Variants in TBCD observed in about 807,000 individuals in gnomAD.
The protein encoded by TBCD is tubulin-specific chaperone D.
A neutral mutation model predicts 169.3 loss-of-function variants in TBCD; 105 were observed. The ratio of observed to expected loss-of-function variants is 0.62; its 90% CI spans 0.53 to 0.73. The LOEUF (loss-of-function observed/expected upper bound fraction) is 0.73. Ranked by LOEUF, TBCD falls within the 30% of genes least tolerant of loss-of-function variation. TBCD has a pLI of 0.00. For missense variants in TBCD, 1,444 were observed against 1,600.1 expected (o/e 0.90, Z 1.66); for synonymous variants, 700 against 643.9 (o/e 1.09, Z -1.32).
intron 17 of TBCD, among the ~76,000 whole-genome samples, chr17:82,898,964 C>T (rs914605131): frequency 6.6e-6 from 1 of 152,256 alleles, no homozygotes; most frequent in Non-Finnish European, 1.5e-5. Flanking sequence ...GGCCAACACT[C>T]CTTCCCCCCA....
intron 13 of TBCD, among the ~76,000 whole-genome samples, chr17:82,862,138 G>C (rs1354231362): frequency 6.6e-6 from 1 of 152,020 alleles, no homozygotes; most frequent in African/African-American, 2.4e-5. Context: ...TAGCCAGGAT[G>C]GTCTTGATCT....
At chr17:82,844,206 C>CGTGTGTGTGTGTGTGTGTGTGGGT in intron 13 of TBCD, among the ~76,000 whole-genome samples, 1 of 127,410 alleles carries the variant, frequency 7.8e-6, no homozygotes, top group South Asian at 2.9e-4. Context: ...GGATGTTCTC[C>CGTGTGTGTGTGTGTGTGTGTGGGT]GTGTGTGTGT....
Position 82,942,596 on chromosome 17 carries a change from ACTAG to A in TBCD, c.*136_*139del. 1 of 1,229,762 alleles carries A rather than the reference ACTAG, an allele frequency of 8.1e-7. No homozygotes were observed. Among genetic ancestry groups the A allele is most frequent in the Non-Finnish European group, 1.2e-6 (1 of 854,298 alleles). The allele number at this position is 1,229,762 out of a possible 1,614,324, so 76.2% of individuals were successfully genotyped here. ...GTAGCGCTGGCCCTTGGAGGCTGGC[ACTAG>A]CTGACAGCTTTTCCTCTCTGCACCT... On this transcript the variant is annotated 3_prime_UTR_variant, in exon 39 of 39. Transcript: ENST00000355528.
chr17:82,887,160 TGTGTGTGTGC>T (rs1325016131), intron 15 of TBCD, among the ~76,000 whole-genome samples: 17 of 109,062 alleles, frequency 1.6e-4, no homozygotes, highest in African/African-American at 7.4e-4. Flanking sequence ...TGTGTGTGTG[TGTGTGTGTGC>T]GCGCGCGCGC....
At chr17:82,759,949 T>C (rs1287927133) in intron 2 of TBCD, among the ~76,000 whole-genome samples, 1 of 149,524 alleles carries the variant, frequency 6.7e-6, no homozygotes, top group Non-Finnish European at 1.5e-5. Flanking sequence ...TGCAGTGGCG[T>C]GTTCTTGGCT....
intron 38 of TBCD, 85 bp downstream of exon 38, chr17:82,941,568 C>T (rs773858631): frequency 4.0e-4 from 505 of 1,249,258 alleles, no homozygotes; most frequent in Non-Finnish European, 5.5e-4. Flanking sequence ...TGCTTAGCTT[C>T]TGCCAGCACG....
At position 82,920,701 on chromosome 17, in the gene TBCD, G is replaced by T. The variant is rs1205281089; in HGVS notation, c.2101+83G>T. Reference sequence around the variant, plus strand: ...GGTAAAAATGAACCTGTTAGGATGGGGGCGATAAACGATTATAGCTTAAAG... The same window carrying T: ...GGTAAAAATGAACCTGTTAGGATGGTGGCGATAAACGATTATAGCTTAAAG... On this transcript the variant is annotated intron_variant, in intron 24 of 38. Transcript: ENST00000355528. This position sits in a 1 kb window ranked among gnomAD's most constrained non-coding sequence, Gnocchi z 4.1. The T allele has an allele frequency of 1.6e-6, 2 of 1,218,972 alleles. No individual in the cohort carries two copies. Among genetic ancestry groups the T allele is most frequent in the East Asian group, 5.1e-5 (2 of 39,448 alleles). The allele number at this position is 1,218,972 out of a possible 1,614,324, so 75.5% of individuals were successfully genotyped here.
chr17:82,848,612 G>A (rs1199681421), intron 13 of TBCD, among the ~76,000 whole-genome samples: 1 of 152,152 alleles, frequency 6.6e-6, no homozygotes, highest in Non-Finnish European at 1.5e-5. Flanking sequence ...GCCAGGTACA[G>A]AAGTCATGAG....
At chr17:82,767,159 C>CA (rs1255648439) in intron 4 of TBCD, among the ~76,000 whole-genome samples, 1 of 152,176 alleles carries the variant, frequency 6.6e-6, no homozygotes, top group Admixed American at 6.5e-5. Flanking sequence ...GGCCTTGCCT[C>CA]AGACGGCAGC....
At chr17:82,869,010 C>CA (rs2057377133) in intron 13 of TBCD, among the ~76,000 whole-genome samples, 1 of 152,164 alleles carries the variant, frequency 6.6e-6, no homozygotes, top group South Asian at 2.1e-4. Context: ...GGGTCGTGTG[C>CA]AGAGCCCTGA....
intron 34 of TBCD, among the ~76,000 whole-genome samples, chr17:82,933,655 T>C (rs960800416): frequency 6.6e-6 from 1 of 152,152 alleles, no homozygotes; most frequent in Non-Finnish European, 1.5e-5. Context: ...TCTTGCTCTG[T>C]TGCCCAGGGT....
chr17:82,809,559 C>T, intron 11 of TBCD, 149 bp from the exon 12 acceptor site: 1 of 769,034 alleles, frequency 1.3e-6, no homozygotes, highest in Non-Finnish European at 2.1e-6. Flanking sequence ...GCGGGGGCTC[C>T]AAGCAGGGTG....
Position 82,942,661 on chromosome 17 carries a change from C to A in TBCD, c.*198C>A. 1 of 639,392 alleles carries A rather than the reference C, an allele frequency of 1.6e-6. No individual in the cohort carries two copies. Among genetic ancestry groups the A allele is most frequent in the Non-Finnish European group, 2.8e-6 (1 of 362,660 alleles). 39.6% of individuals were successfully genotyped at this position (639,392 alleles called of 1,614,324 possible). ...GACTTGGGGTGGACGCCTCTGCCTTCACTTGAACACAAATGTGCTTCCTAT... is the reference window on the plus strand; with the variant it reads ...GACTTGGGGTGGACGCCTCTGCCTTAACTTGAACACAAATGTGCTTCCTAT... On this transcript the variant is annotated 3_prime_UTR_variant, in exon 39 of 39. Coordinates refer to ENST00000355528, the MANE Select transcript of TBCD (RefSeq NM_005993.5).
At chr17:82,808,320 T>A (rs2051134313) in intron 11 of TBCD, among the ~76,000 whole-genome samples, 1 of 124,696 alleles carries the variant, frequency 8.0e-6, no homozygotes, top group South Asian at 2.7e-4. Flanking sequence ...GGTGCTGAGG[T>A]GTCAGGGAGG....
chr17:82,756,420 C>T (rs2047404429), intron 2 of TBCD, among the ~76,000 whole-genome samples: 1 of 152,168 alleles, frequency 6.6e-6, no homozygotes, highest in African/African-American at 2.4e-5. Context: ...GGAGATGTGT[C>T]TGAGCTACTT....
rs1568013159 is a variant in TBCD at position 82,908,357 on chromosome 17, GTC to G, written c.1983+538_1983+539del. 6.6e-6 allele frequency: 3 copies of G among 456,618 alleles called. No individual in the cohort carries two copies. The Admixed American group carries it at 7.0e-5, about 11-fold the overall frequency. The allele number at this position is 456,618 out of a possible 1,614,324, so 28.3% of individuals were successfully genotyped here. A position where few individuals can be genotyped will look rare whatever the true frequency, so the allele number is the denominator to read the frequency against. The stretch of plus-strand genomic sequence containing the variant: ...AAGTAAAGCAGAATTTTGTGTGTGC[GTC>G]TGTCGGATTTCTCTGGGGAGACAGT... On this transcript the variant is annotated intron_variant, in intron 21 of 38. Transcript: ENST00000355528.
chr17:82,885,171 G>C (rs1218913474), intron 15 of TBCD, among the ~76,000 whole-genome samples: 1 of 152,038 alleles, frequency 6.6e-6, no homozygotes, highest in African/African-American at 2.4e-5. Flanking sequence ...AGGGTTTCCT[G>C]TCAGCCCTGC....
rs534197609 is a variant in TBCD at position 82,890,038 on chromosome 17, A to G, written c.1563+341A>G. Among the ~76,000 whole-genome samples, 31 of 152,344 alleles carry G rather than the reference A, an allele frequency of 2.0e-4. No homozygotes were observed. In the South Asian group the frequency reaches 5.6e-3, roughly 27 times the overall value. On this transcript the variant is annotated intron_variant, in intron 16 of 38. Transcript: ENST00000355528. The surrounding 1 kb of genome is among the most constrained non-coding windows in gnomAD (Gnocchi z 5.3). ...GACCCCGCCTCATCCCACACAGAGC[A>G]GGAGCTGGCTCTGTTGACGTCAGCT...
intron 15 of TBCD, among the ~76,000 whole-genome samples, chr17:82,887,171 GCGCGCGCGCA>G (rs1224998280): frequency 2.9e-3 from 192 of 66,348 alleles, no homozygotes; most frequent in Middle Eastern, 0.016. Context: ...GTGTGTGTGC[GCGCGCGCGCA>G]CGTGCGCTCA....
Sources: allele counts gnomAD v4.1 joint callset (sites outside exome capture counted in the v4.1 genomes callset), GRCh38; gene constraint gnomAD v4.1.1; non-coding constraint Gnocchi (gnomAD v3.1); transcripts MANE v1.5; gene names NCBI Gene and HGNC (gene_info 2026-07-23, HGNC 2026-07-21).